IQSEC1: variants seen among roughly 807,000 people sequenced by gnomAD.
IQSEC1 encodes the protein IQ motif and SEC7 domain-containing protein 1.
In IQSEC1, 31 loss-of-function variants were observed where a neutral mutation model predicts 91.0. The ratio of observed to expected loss-of-function variants is 0.34; its 90% CI spans 0.26 to 0.46. The LOEUF (loss-of-function observed/expected upper bound fraction) is 0.46. Among genes scored for constraint, IQSEC1 ranks in the 20% least tolerant of loss-of-function variants. IQSEC1 has a pLI of 1.00. For synonymous variants in IQSEC1, 699 were observed against 662.6 expected, an observed-to-expected ratio of 1.05 and a Z score of -0.84; for missense variants, 1,388 against 1,575.6, an observed-to-expected ratio of 0.88 and a Z score of 2.02.
intron 2 of IQSEC1, among the ~76,000 whole-genome samples, chr3:13,110,521 C>T (rs1040905072): frequency 3.3e-4 from 50 of 152,148 alleles, no homozygotes; most frequent in African/African-American, 9.6e-4. Flanking sequence ...CCCGGGAGGC[C>T]GAGGTTGCAG....
At chr3:13,012,735 T>C (rs1031738343) in intron 1 of IQSEC1, among the ~76,000 whole-genome samples, 5 of 152,212 alleles carry the variant, frequency 3.3e-5, no homozygotes, top group Non-Finnish European at 5.9e-5. Flanking sequence ...CAAATCCATA[T>C]ATGAACACTG....
At chr3:13,123,292 T>C (rs1706453681) in intron 2 of IQSEC1, among the ~76,000 whole-genome samples, 1 of 152,226 alleles carries the variant, frequency 6.6e-6, no homozygotes, top group African/African-American at 2.4e-5. Flanking sequence ...ATAATTTATT[T>C]CAAACCTGTA....
chr3:13,025,557 C>G (rs1332113392), intron 1 of IQSEC1, among the ~76,000 whole-genome samples: 2 of 152,190 alleles, frequency 1.3e-5, no homozygotes, highest in Non-Finnish European at 2.9e-5. Flanking sequence ...CAGTGAGCCT[C>G]TGTCTGGCCT....
intron 1 of IQSEC1, among the ~76,000 whole-genome samples, chr3:13,192,735 C>T (rs543958456): frequency 1.3e-5 from 2 of 152,386 alleles, no homozygotes; most frequent in African/African-American, 2.4e-5. Context: ...AGGCCCCCGA[C>T]ACAGTCCCAA....
rs1693858588 is a variant in IQSEC1, at chr3:12,898,402, C to G, written c.*2581G>C. The G allele has an allele frequency of 6.6e-6, 1 of 152,270 alleles. No individual in the cohort carries two copies. Among genetic ancestry groups the G allele is most frequent in the African/African-American group, 2.4e-5 (1 of 41,464 alleles). The allele number at this position is 152,270 out of a possible 1,614,324, so 9.4% of individuals were successfully genotyped here. On this transcript the variant is annotated 3_prime_UTR_variant, in exon 14 of 14. Coordinates refer to ENST00000613206, the MANE Select transcript of IQSEC1 (RefSeq NM_001134382.3). ...AACACACTGAGTGCGGCGGGAAACC[C>G]CGGGAAGGGCTCAGTGGGTTCCAGC...
intron 1 of IQSEC1, among the ~76,000 whole-genome samples, chr3:12,964,299 TACACACACACACACAC>T (rs3072719): frequency 6.7e-6 from 1 of 149,800 alleles, no homozygotes; most frequent in African/African-American, 2.5e-5. Context: ...ATACTCCCCC[TACACACACACACACAC>T]ACACACACAC....
chr3:13,207,382 C>A lies in IQSEC1; in HGVS notation c.273-43249G>T, dbSNP rs1387960234. Among the ~76,000 whole-genome samples the A allele has an allele frequency of 6.6e-6, 1 of 152,130 alleles. No individual in the cohort carries two copies. Among genetic ancestry groups the A allele is most frequent in the Non-Finnish European group, 1.5e-5 (1 of 68,018 alleles). The stretch of plus-strand genomic sequence containing the variant: ...TCCCCCTCCACGGCCACCTCCCTGA[C>A]CCAAGCCCCGTCTTCTCTGCCAGGT... On this transcript the variant is annotated intron_variant, in intron 1 of 15. Transcript: ENST00000648114. The surrounding 1 kb of genome is among the most constrained non-coding windows in gnomAD (Gnocchi z 4.8).
At chr3:13,003,443 A>G (rs1251689070) in intron 1 of IQSEC1, among the ~76,000 whole-genome samples, 1 of 152,214 alleles carries the variant, frequency 6.6e-6, no homozygotes, top group Non-Finnish European at 1.5e-5. Context: ...ATATCTACAG[A>G]GACAAAAAGT....
intron 1 of IQSEC1, among the ~76,000 whole-genome samples, chr3:12,999,854 T>C (rs1367549164): frequency 6.6e-6 from 1 of 152,240 alleles, no homozygotes; most frequent in African/African-American, 2.4e-5. Flanking sequence ...CTCTGTCCAT[T>C]ATTGTCCCTT....
At chr3:13,273,930 C>A (rs751384315) in intron 1 of IQSEC1, among the ~76,000 whole-genome samples, 1 of 152,210 alleles carries the variant, frequency 6.6e-6, no homozygotes, top group Non-Finnish European at 1.5e-5. Flanking sequence ...ACCTCAACCA[C>A]GCCGCCAGGC....
At chr3:12,966,857 C>G (rs544310099) in intron 1 of IQSEC1, among the ~76,000 whole-genome samples, 3 of 152,318 alleles carry the variant, frequency 2.0e-5, no homozygotes, top group African/African-American at 7.2e-5. Context: ...GCAGACAGGA[C>G]AGACACATCA....
chr3:13,273,969 G>C (rs986852289), intron 1 of IQSEC1, among the ~76,000 whole-genome samples: 4 of 152,224 alleles, frequency 2.6e-5, no homozygotes, highest in Admixed American at 2.0e-4. Flanking sequence ...AACCCTAAGA[G>C]GGAGATCCAG....
At chr3:13,242,942 G>A (rs1010763542) in intron 1 of IQSEC1, among the ~76,000 whole-genome samples, 38 of 152,096 alleles carry the variant, frequency 2.5e-4, no homozygotes, top group African/African-American at 8.7e-4. Flanking sequence ...ACACATGTGG[G>A]GGGCCCTACG....
intron 2 of IQSEC1, among the ~76,000 whole-genome samples, chr3:13,092,371 A>G (rs1414855665): frequency 6.6e-6 from 1 of 152,114 alleles, no homozygotes; most frequent in Non-Finnish European, 1.5e-5. Flanking sequence ...TCCTGCAAAG[A>G]GATACCTGCA....
intron 1 of IQSEC1, among the ~76,000 whole-genome samples, chr3:12,957,752 A>T (rs1368538352): frequency 1.3e-5 from 2 of 152,236 alleles, no homozygotes; most frequent in Non-Finnish European, 2.9e-5. Context: ...TTAGGTGCAT[A>T]GCAAAACTGA....
intron 1 of IQSEC1, among the ~76,000 whole-genome samples, chr3:13,243,442 T>C (rs1048959778): frequency 1.3e-5 from 2 of 152,174 alleles, no homozygotes; most frequent in African/African-American, 4.8e-5. Flanking sequence ...AAGAGCCTCT[T>C]TGAGAATACA....
chr3:13,073,187 CG>C lies in IQSEC1; in HGVS notation c.-174del. The C allele has an allele frequency of 2.2e-6, 1 of 454,916 alleles. No homozygotes were observed. The highest frequency in any genetic ancestry group is 4.1e-6 in the Non-Finnish European group (1 of 243,190). 28.2% of individuals were successfully genotyped at this position (454,916 alleles called of 1,614,324 possible). A position where few individuals can be genotyped will look rare whatever the true frequency, so the allele number is the denominator to read the frequency against. ...TCCTCCAGGGAGGCTGGGGCGGGAG[CG>C]GGGGGCGGCGCCAGCAGCGGGCTGT... On this transcript the variant is annotated 5_prime_UTR_variant, in exon 1 of 14. Transcript: ENST00000613206.
intron 6 of IQSEC1, among the ~76,000 whole-genome samples, chr3:12,918,155 C>T (rs1696288192): frequency 6.6e-6 from 1 of 152,252 alleles, no homozygotes; most frequent in Non-Finnish European, 1.5e-5. Flanking sequence ...ATCACCCATT[C>T]TGAAGCATGA....
At chr3:13,170,909 C>A (rs1693594564) in intron 1 of IQSEC1, among the ~76,000 whole-genome samples, 2 of 152,134 alleles carry the variant, frequency 1.3e-5, no homozygotes, top group South Asian at 2.1e-4. Context: ...ACCAGCCTGG[C>A]CAACATGGTG....
Sources: allele counts gnomAD v4.1 joint callset (sites outside exome capture counted in the v4.1 genomes callset), GRCh38; gene constraint gnomAD v4.1.1; non-coding constraint Gnocchi (gnomAD v3.1); transcripts MANE v1.5; gene names NCBI Gene and HGNC (gene_info 2026-07-23, HGNC 2026-07-21).